Variants in LOC400499 observed in about 807,000 individuals in gnomAD.
the LOC400499 span, among the ~76,000 whole-genome samples, chr16:11,397,591 A>C: frequency 6.6e-6 from 1 of 152,188 alleles, no homozygotes; most frequent in Non-Finnish European, 1.5e-5. Flanking sequence ...CTTTTACTGG[A>C]ATACAGCCGT....
chr16:11,446,810 G>C, the LOC400499 span: 5 of 1,536,140 alleles, frequency 3.3e-6, no homozygotes, highest in Non-Finnish European at 3.5e-6. Context: ...CGGCCATTCA[G>C]GACAACCCTA....
the LOC400499 span, among the ~76,000 whole-genome samples, chr16:11,418,101 G>C: frequency 6.6e-6 from 1 of 152,174 alleles, no homozygotes; most frequent in Non-Finnish European, 1.5e-5. Flanking sequence ...GTGGGCCTGG[G>C]GAAGATGGCT....
At chr16:11,392,993 T>C in the LOC400499 span, among the ~76,000 whole-genome samples, 2 of 152,242 alleles carry the variant, frequency 1.3e-5, no homozygotes, top group African/African-American at 4.8e-5. Flanking sequence ...AGCTGGGAAC[T>C]ACAGGCACCC....
At chr16:11,451,142 G>A in the LOC400499 span, among the ~76,000 whole-genome samples, 2 of 152,138 alleles carry the variant, frequency 1.3e-5, no homozygotes, top group Non-Finnish European at 2.9e-5. Context: ...TCAACTGCAC[G>A]GAAAAAATAA....
the LOC400499 span, among the ~76,000 whole-genome samples, chr16:11,382,359 A>ATC: frequency 2.0e-5 from 3 of 152,220 alleles, no homozygotes; most frequent in Non-Finnish European, 4.4e-5. Flanking sequence ...TAATTCTGGC[A>ATC]TCTGAAGCTC....
At chr16:11,451,305 CGCAGTGGCTCAT>C in the LOC400499 span, among the ~76,000 whole-genome samples, 15 of 152,282 alleles carry the variant, frequency 9.9e-5, 1 homozygote, top group African/African-American at 3.6e-4. Flanking sequence ...GAAGGTCAAG[CGCAGTGGCTCAT>C]GCCTGTAATC....
chr16:11,390,412 A>T, the LOC400499 span: 2 of 1,251,348 alleles, frequency 1.6e-6, no homozygotes, highest in Non-Finnish European at 2.0e-6. Context: ...CACCTCCTCC[A>T]GGGGCCGCAG....
the LOC400499 span, among the ~76,000 whole-genome samples, chr16:11,507,391 G>A: frequency 2.0e-5 from 3 of 152,128 alleles, no homozygotes; most frequent in Non-Finnish European, 4.4e-5. Flanking sequence ...GAATGACCCA[G>A]CCCTCGGTGT....
At chr16:11,496,923 T>TGCACGC in the LOC400499 span, among the ~76,000 whole-genome samples, 9 of 146,032 alleles carry the variant, frequency 6.2e-5, no homozygotes, top group African/African-American at 2.1e-4. Flanking sequence ...TGTGTGTGTG[T>TGCACGC]GTGTGTGTGT....
At chr16:11,514,989 G>A in the LOC400499 span, among the ~76,000 whole-genome samples, 3 of 152,096 alleles carry the variant, frequency 2.0e-5, no homozygotes, top group Non-Finnish European at 2.9e-5. Flanking sequence ...GCTAGAGACA[G>A]AGGCGGGGAG....
the LOC400499 span, among the ~76,000 whole-genome samples, chr16:11,409,858 G>T: frequency 7.0e-6 from 1 of 142,014 alleles, no homozygotes; most frequent in Non-Finnish European, 1.6e-5. Flanking sequence ...AATGTGTGAT[G>T]ATACAAATTT....
the LOC400499 span, chr16:11,411,398 C>T: frequency 3.0e-5 from 12 of 398,790 alleles, no homozygotes; most frequent in Admixed American, 4.4e-5. Flanking sequence ...AGGGCCATGT[C>T]GAGACCAAGG....
At chr16:11,437,316 T>C in the LOC400499 span, among the ~76,000 whole-genome samples, 2 of 152,134 alleles carry the variant, frequency 1.3e-5, no homozygotes, top group Non-Finnish European at 2.9e-5. Flanking sequence ...CCCCAGCCCT[T>C]TGGAGACCAA....
chr16:11,475,694 G>C, the LOC400499 span: 2 of 399,076 alleles, frequency 5.0e-6, no homozygotes, highest in Non-Finnish European at 8.8e-6. Flanking sequence ...CGCCATCCCT[G>C]GTGATGAGGT....
the LOC400499 span, chr16:11,384,964 G>A: frequency 1.6e-6 from 2 of 1,232,228 alleles, no homozygotes; most frequent in Non-Finnish European, 2.0e-6. Flanking sequence ...CGTCCTCGCT[G>A]GCCAGCTCAA....
the LOC400499 span, among the ~76,000 whole-genome samples, chr16:11,432,732 G>C: frequency 1.3e-5 from 2 of 152,148 alleles, no homozygotes; most frequent in Admixed American, 1.3e-4. Context: ...TCACCACCAG[G>C]AACAAGATCA....
At chr16:11,490,253 G>A in the LOC400499 span, among the ~76,000 whole-genome samples, 2 of 151,908 alleles carry the variant, frequency 1.3e-5, no homozygotes, top group African/African-American at 2.4e-5. Context: ...AAAATTAGCC[G>A]GGCATGGTGG....
chr16:11,491,027 T>C, the LOC400499 span, among the ~76,000 whole-genome samples: 1 of 152,222 alleles, frequency 6.6e-6, no homozygotes, highest in Non-Finnish European at 1.5e-5. Flanking sequence ...GCTTTCTAAA[T>C]GTCTTTGTGT....
the LOC400499 span, among the ~76,000 whole-genome samples, chr16:11,506,053 T>A: frequency 6.6e-6 from 1 of 152,114 alleles, no homozygotes; most frequent in African/African-American, 2.4e-5. Flanking sequence ...TTATTTATTT[T>A]GAGATGGAGT....
Sources: allele counts gnomAD v4.1 joint callset (sites outside exome capture counted in the v4.1 genomes callset), GRCh38; gene constraint gnomAD v4.1.1; transcripts MANE v1.5.